DMXL1: variants seen among roughly 807,000 people sequenced by gnomAD.
The protein encoded by DMXL1 is Dmx like 1.
DMXL1 carries 99 observed loss-of-function variants against 319.2 expected under a neutral mutation model. That is an observed-to-expected ratio of 0.31 (90% CI 0.26 to 0.37). The LOEUF is 0.37. DMXL1 is among the 10% of genes least tolerant of loss of function. The probability of loss-of-function intolerance (pLI) is 1.00; values close to 1 mark genes in which losing one functional copy is unlikely to be tolerated. For synonymous variants in DMXL1, 1,385 were observed against 1,235.2 expected (o/e 1.12, Z -2.54); for missense variants, 3,745 against 3,595.6 (o/e 1.04, Z -1.06).
chr5:119,105,145 A>G (rs771079167), intron 3 of DMXL1, 35 bp from the exon 4 acceptor site: 25 of 1,390,676 alleles, frequency 1.8e-5, no homozygotes, highest in East Asian at 6.9e-5. Flanking sequence ...AAATATGCCA[A>G]TCATAATGGG....
chr5:119,140,477 A>G (rs1241510152), intron 13 of DMXL1, among the ~76,000 whole-genome samples: 1 of 152,184 alleles, frequency 6.6e-6, no homozygotes, highest in Non-Finnish European at 1.5e-5. Flanking sequence ...ACTACTACGA[A>G]CACCTCTGTG....
rs1787955322 is a variant in DMXL1 at position 119,237,401 on chromosome 5, C to G, written c.8546C>G (p.Pro2849Arg). The change falls in exon 40 of 44, where the codon CCT becomes CGT. Residue 2849 changes from proline (P) to arginine (R), a missense_variant. Pro to Arg is a moderately radical substitution (Grantham distance 103). This residue lies in a region of DMXL1 where 262 missense variants were observed against 320.5 expected (regional missense o/e 0.82). Transcript: ENST00000539542. Reference protein sequence around the residue: ...WKCCPVTGSMPKPYLTWQCHN... With the variant: ...WKCCPVTGSMRKPYLTWQCHN... ...TGTTGTCCAGTTACTGGAAGCATGC[C>G]TAAGCCATACCTGGTAAGCCAAGAA... 1.2e-6 allele frequency: 2 copies of G among 1,600,370 alleles called. No individual in the cohort carries two copies. The highest frequency in any genetic ancestry group is 2.2e-5 in the South Asian group (2 of 89,008).
chr5:119,213,865 G>C (rs980179501), intron 34 of DMXL1, among the ~76,000 whole-genome samples: 1 of 152,078 alleles, frequency 6.6e-6, no homozygotes, highest in Non-Finnish European at 1.5e-5. Flanking sequence ...TCATTTGGTA[G>C]TGTTGACGCA....
chr5:119,181,190 G>A (rs1375920143), intron 28 of DMXL1, among the ~76,000 whole-genome samples: 1 of 152,140 alleles, frequency 6.6e-6, no homozygotes, highest in Non-Finnish European at 1.5e-5. Flanking sequence ...TCCGTCATAA[G>A]CTGTATCCTA....
At chr5:119,162,341 G>A (rs1772453228) in intron 19 of DMXL1, among the ~76,000 whole-genome samples, 2 of 152,138 alleles carry the variant, frequency 1.3e-5, no homozygotes, top group African/African-American at 4.8e-5. Context: ...GTCTTTTGGG[G>A]CTTCTATAAC....
intron 13 of DMXL1, among the ~76,000 whole-genome samples, chr5:119,142,609 G>T (rs535598787): frequency 6.6e-6 from 1 of 151,238 alleles, no homozygotes; most frequent in Non-Finnish European, 1.5e-5. Context: ...TAATTCAACC[G>T]TTGTGGAAAG....
In DMXL1 at chr5:119,170,945, G is replaced by A. The variant is rs753869209; in HGVS notation, c.6154G>A (p.Gly2052Ser). The change falls in exon 24 of 44, where the codon GGT (glycine) becomes AGT (serine). Residue 2052 changes from glycine to serine, a missense_variant. Transcript: ENST00000539542. ...RTLSTGYEID[G>S]GKLRYQLYHW... ...TTTATCTACTGGCTATGAAATAGAT[G>A]GTGGAAAATTGCGTTACCAACTATA... 1 of 1,613,538 alleles carries A rather than the reference G, an allele frequency of 6.2e-7. No individual in the cohort carries two copies. The highest frequency in any genetic ancestry group is 1.3e-5 in the African/African-American group (1 of 74,784).
intron 28 of DMXL1, among the ~76,000 whole-genome samples, chr5:119,179,507 G>T (rs891401057): frequency 6.6e-6 from 1 of 152,000 alleles, no homozygotes; most frequent in Non-Finnish European, 1.5e-5. Context: ...AGAAAAGCTT[G>T]AATTTGGCTT....
intron 39 of DMXL1, chr5:119,237,008 G>A (rs1387333377): frequency 6.3e-6 from 1 of 159,270 alleles, no homozygotes; most frequent in Non-Finnish European, 1.4e-5. Context: ...ATATGATAAA[G>A]TTCTGTCACA....
At chr5:119,111,614 T>A (rs1759616973) in intron 5 of DMXL1, among the ~76,000 whole-genome samples, 1 of 152,066 alleles carries the variant, frequency 6.6e-6, no homozygotes. Context: ...ATAGGAAAAA[T>A]TAATAGTTCT....
At position 119,091,443 on chromosome 5, in the gene DMXL1, C is replaced by T. The variant is rs1285465755; in HGVS notation, c.88-6536C>T. On this transcript the variant is annotated intron_variant, in intron 1 of 43. Coordinates refer to ENST00000539542, the MANE Select transcript of DMXL1 (RefSeq NM_001290321.3). ...CCCAGCCTGGTTTCAAACTCCTAGG[C>T]TCAAGGGATCCTCCTGTTTTGGCCT... Among the ~76,000 whole-genome samples the T allele has an allele frequency of 2.0e-5, 3 of 152,116 alleles. No homozygotes were observed. In the East Asian group the frequency reaches 5.8e-4, roughly 29 times the overall value.
intron 5 of DMXL1, among the ~76,000 whole-genome samples, chr5:119,111,996 T>C (rs1759722239): frequency 6.6e-6 from 1 of 152,222 alleles, no homozygotes; most frequent in Non-Finnish European, 1.5e-5. Flanking sequence ...AGTCTCGCTC[T>C]GTCGCCCAGC....
In DMXL1 at chr5:119,116,967, A is replaced by G. The variant is rs76148518; in HGVS notation, c.743+631A>G. Among the ~76,000 whole-genome samples, 1,240 of 152,068 alleles carry G rather than the reference A, an allele frequency of 8.2e-3. 18 individuals are homozygous for G. Among genetic ancestry groups the G allele is most frequent in the African/African-American group, 0.028 (1,175 of 41,470 alleles). ...ATGTAATACTGAATTTTAGTAGGTT[A>G]TAGAGACCTATTACTTAAATACAGG... On this transcript the variant is annotated intron_variant, in intron 7 of 43. Transcript: ENST00000539542.
intron 1 of DMXL1, among the ~76,000 whole-genome samples, chr5:119,090,593 ACT>A (rs1754554541): frequency 1.1e-5 from 1 of 88,120 alleles, no homozygotes; most frequent in Admixed American, 1.3e-4. Context: ...ACAGAGTTTC[ACT>A]CTTTTTGCCC....
chr5:119,147,926 C>T (rs577319424), intron 17 of DMXL1, among the ~76,000 whole-genome samples: 1 of 152,184 alleles, frequency 6.6e-6, no homozygotes, highest in Non-Finnish European at 1.5e-5. Context: ...ATTGGCCACT[C>T]CATTTCTTGG....
At chr5:119,140,315 A>T (rs1354586736) in intron 13 of DMXL1, among the ~76,000 whole-genome samples, 2 of 152,224 alleles carry the variant, frequency 1.3e-5, no homozygotes, top group Non-Finnish European at 2.9e-5. Context: ...ACCATTCAAA[A>T]GATCAGCAAT....
chr5:119,133,587 G>A lies in DMXL1; in HGVS notation c.1663G>A (p.Val555Ile). The A allele has an allele frequency of 6.2e-7, 1 of 1,614,178 alleles. No individual in the cohort carries two copies. The highest frequency in any genetic ancestry group is 8.5e-7 in the Non-Finnish European group (1 of 1,180,020). ...SIMMYACTKN[V>I]DLAIQQGKQK... ...AATGATGTATGCCTGTACCAAGAAT[G>A]TTGACTTGGCTATTCAGCAGGGGAA... is the stretch of plus-strand genomic sequence containing the variant. The change falls in exon 12 of 44, where the codon GTT becomes ATT. Residue 555 changes from valine to isoleucine, a missense_variant. By Grantham distance (29) the Val-to-Ile change is conservative. Transcript: ENST00000539542.
At chr5:119,095,664 A>G (rs1755783099) in intron 1 of DMXL1, among the ~76,000 whole-genome samples, 1 of 152,240 alleles carries the variant, frequency 6.6e-6, no homozygotes, top group Non-Finnish European at 1.5e-5. Flanking sequence ...TTTGAGAAAC[A>G]GTGACAATCA....
intron 9 of DMXL1, among the ~76,000 whole-genome samples, chr5:119,122,286 G>A (rs1477970322): frequency 1.4e-5 from 2 of 141,346 alleles, no homozygotes; most frequent in African/African-American, 2.6e-5. Flanking sequence ...CCTCCCTCCC[G>A]GACGGGGCGG....
Sources: gnomAD v4.1 joint callset for allele counts (sites outside exome capture counted in the v4.1 genomes callset) on GRCh38, gnomAD v4.1.1 for gene constraint, gnomAD v4.1.1 regional missense constraint, MANE v1.5 for transcripts, NCBI Gene and HGNC (gene_info 2026-07-23, HGNC 2026-07-21) for gene names.